Variants in RTN1 observed in about 807,000 individuals in gnomAD.
RTN1 encodes reticulon-1.
RTN1 carries 25 observed loss-of-function variants against 65.5 expected under a neutral mutation model. That is an observed-to-expected ratio of 0.38 (90% CI 0.28 to 0.53). The LOEUF (loss-of-function observed/expected upper bound fraction) is 0.53. Ranked by LOEUF, RTN1 falls within the 20% of genes least tolerant of loss-of-function variation. The pLI, the probability that RTN1 is intolerant of heterozygous loss-of-function variation, is 0.79. For missense variants in RTN1, 983 were observed against 1,025.4 expected (o/e 0.96, Z 0.57); for synonymous variants, 471 against 447.6 (o/e 1.05, Z -0.66).
chr14:59,746,405 T>A lies in RTN1; in HGVS notation c.318A>T (p.Thr106=). The A allele has an allele frequency of 6.2e-7, 1 of 1,613,920 alleles. No homozygotes were observed. Among genetic ancestry groups the A allele is most frequent in the Non-Finnish European group, 8.5e-7 (1 of 1,179,906 alleles). The part of the protein sequence containing the change: ...TSKDGEGSCY[T]SLISDICYPP... Reference sequence around the variant, plus strand: ...GATAGCAGATGTCAGAAATGAGAGATGTGTAACACGATCCTTCCCCATCTT... The same window carrying A: ...GATAGCAGATGTCAGAAATGAGAGAAGTGTAACACGATCCTTCCCCATCTT... The change falls in exon 2 of 9, where the codon ACA becomes ACT. Residue 106 remains threonine, a synonymous_variant. Transcript: ENST00000267484.
chr14:59,750,088 T>TA (rs1480746573), intron 1 of RTN1, among the ~76,000 whole-genome samples: 11 of 57,960 alleles, frequency 1.9e-4, no homozygotes, highest in African/African-American at 1.1e-3. Context: ...ATTATAGACA[T>TA]ATATATTATA....
chr14:59,727,383 A>G lies in RTN1; in HGVS notation c.1301T>C (p.Phe434Ser). 6.5e-7 allele frequency: 1 copy of G among 1,536,104 alleles called. No individual in the cohort carries two copies. The highest frequency in any genetic ancestry group is 8.8e-7 in the Non-Finnish European group (1 of 1,140,406). Residue 434 changes from phenylalanine (F) to serine (S), a missense_variant, in exon 3 of 9, where the codon TTT becomes TCT. By Grantham distance (155) the Phe-to-Ser change is radical. Around this residue, in one of 2 missense-constraint regions of RTN1, gnomAD observed 818 missense variants for 801.8 expected, o/e 1.02. Transcript: ENST00000267484. This position sits in a 1 kb window ranked among gnomAD's most constrained non-coding sequence, Gnocchi z 4.2. Reference sequence around the variant, plus strand: ...GGGCGGCGGGCCGCCCACGTGGCCAAAGCTCACATAGCCTGAGGGCAGCGC... The same window carrying G: ...GGGCGGCGGGCCGCCCACGTGGCCAGAGCTCACATAGCCTGAGGGCAGCGC... ...EDALPSGYVSFGHVGGPPPSP... is the reference protein window; with the variant it reads ...EDALPSGYVSSGHVGGPPPSP...
At position 59,868,273 on chromosome 14, in the gene RTN1, C is replaced by A. The variant is rs371292398; in HGVS notation, c.241+2117G>T. On this transcript the variant is annotated intron_variant, in intron 1 of 8. Transcript: ENST00000267484. This position sits in a 1 kb window ranked among gnomAD's most constrained non-coding sequence, Gnocchi z 4.0. ...TCAACAACTATATCAGAAATTCCTT[C>A]TAGCCACAATCATAAACTAAAAAAT... Among the ~76,000 whole-genome samples the A allele has an allele frequency of 6.6e-6, 1 of 152,178 alleles. No homozygotes were observed. Among genetic ancestry groups the A allele is most frequent in the Admixed American group, 6.5e-5 (1 of 15,276 alleles).
At position 59,856,913 on chromosome 14, in the gene RTN1, C is replaced by T. The variant is rs571891372; in HGVS notation, c.241+13477G>A. 7.9e-5 allele frequency among the ~76,000 whole-genome samples: 12 copies of T among 152,212 alleles called. No homozygotes were observed. In the South Asian group the frequency reaches 2.1e-3, roughly 26 times the overall value. ...TCTTCACATAACCCTGTAAGATAGC[C>T]AGAACAGTACTGTGCTCATGCAATG... is the stretch of plus-strand genomic sequence containing the variant. On this transcript the variant is annotated intron_variant, in intron 1 of 8. Transcript: ENST00000267484.
At chr14:59,838,175 C>T (rs1459572732) in intron 1 of RTN1, among the ~76,000 whole-genome samples, 1 of 152,186 alleles carries the variant, frequency 6.6e-6, no homozygotes, top group Non-Finnish European at 1.5e-5. Flanking sequence ...ATGGTTAGCT[C>T]CCACTTATAA....
intron 1 of RTN1, among the ~76,000 whole-genome samples, chr14:59,831,367 A>G (rs1360671806): frequency 6.6e-6 from 1 of 152,224 alleles, no homozygotes; most frequent in East Asian, 1.9e-4. Context: ...CAAGTAAGAA[A>G]GGATTTCTTT....
At chr14:59,640,972 TC>T (rs2140191698) in intron 3 of RTN1, among the ~76,000 whole-genome samples, 1 of 152,320 alleles carries the variant, frequency 6.6e-6, no homozygotes, top group South Asian at 2.1e-4. Flanking sequence ...TTCCTTCCTT[TC>T]CTTCTGAGAC....
At chr14:59,866,178 C>T (rs1401993943) in intron 1 of RTN1, among the ~76,000 whole-genome samples, 1 of 152,120 alleles carries the variant, frequency 6.6e-6, no homozygotes, top group African/African-American at 2.4e-5. Context: ...GAAAGGTGCA[C>T]ATGTTTTAGG....
At chr14:59,637,686 T>G (rs1312143196) in intron 3 of RTN1, among the ~76,000 whole-genome samples, 5 of 138,526 alleles carry the variant, frequency 3.6e-5, no homozygotes, top group Non-Finnish European at 7.6e-5. Context: ...CACTCCAGCC[T>G]GGCAACAGAG....
chr14:59,855,564 A>G (rs1269755295), intron 1 of RTN1, among the ~76,000 whole-genome samples: 2 of 152,186 alleles, frequency 1.3e-5, no homozygotes, highest in African/African-American at 4.8e-5. Flanking sequence ...AGATAATTCT[A>G]CCATCTGTGT....
At chr14:59,780,732 T>A (rs530030683) in intron 1 of RTN1, among the ~76,000 whole-genome samples, 1 of 152,328 alleles carries the variant, frequency 6.6e-6, no homozygotes, top group South Asian at 2.1e-4. Flanking sequence ...AGGCTGTGGA[T>A]TGCCACAACA....
chr14:59,726,440 G>A (rs1256219032), intron 3 of RTN1, among the ~76,000 whole-genome samples: 1 of 152,176 alleles, frequency 6.6e-6, no homozygotes, highest in East Asian at 1.9e-4. Flanking sequence ...GTAAGAGAAA[G>A]GATGGAGCTG....
chr14:59,632,175 G>C (rs144875462), intron 3 of RTN1, among the ~76,000 whole-genome samples: 24 of 152,262 alleles, frequency 1.6e-4, no homozygotes, highest in Middle Eastern at 3.4e-3. Context: ...AATTATTCTT[G>C]ATAAAGCTTA....
chr14:59,630,599 G>C (rs567787701), intron 3 of RTN1: 25 of 1,588,334 alleles, frequency 1.6e-5, no homozygotes, highest in Non-Finnish European at 2.0e-5. Context: ...TGGGCTCGCA[G>C]TGGCCGCGCG....
chr14:59,733,650 G>C (rs1176713478), intron 2 of RTN1, among the ~76,000 whole-genome samples: 1 of 152,162 alleles, frequency 6.6e-6, no homozygotes, highest in African/African-American at 2.4e-5. Flanking sequence ...TGGCCAGACT[G>C]CTTCTTTAAG....
At chr14:59,743,799 TC>T in intron 2 of RTN1, among the ~76,000 whole-genome samples, 1 of 152,138 alleles carries the variant, frequency 6.6e-6, no homozygotes, top group Non-Finnish European at 1.5e-5. Flanking sequence ...CCAGGGCTCG[TC>T]AGCACCGTAC....
intron 1 of RTN1, among the ~76,000 whole-genome samples, chr14:59,811,304 G>A (rs1886724080): frequency 6.6e-6 from 1 of 152,170 alleles, no homozygotes; most frequent in Admixed American, 6.6e-5. Flanking sequence ...CCCTGATGAT[G>A]CAAACACAAG....
chr14:59,704,116 G>A (rs1884237956), intron 3 of RTN1, among the ~76,000 whole-genome samples: 1 of 152,070 alleles, frequency 6.6e-6, no homozygotes, highest in African/African-American at 2.4e-5. Context: ...CCTATTTTTA[G>A]AGTCACAGAT....
intron 1 of RTN1, among the ~76,000 whole-genome samples, chr14:59,811,653 A>G (rs894958524): frequency 1.3e-5 from 2 of 152,206 alleles, no homozygotes; most frequent in African/African-American, 4.8e-5. Context: ...GATGCATTTA[A>G]AAATATCACC....
Sources: allele counts gnomAD v4.1 joint callset (sites outside exome capture counted in the v4.1 genomes callset), GRCh38; gene constraint gnomAD v4.1.1; regional missense constraint gnomAD v4.1.1; non-coding constraint Gnocchi (gnomAD v3.1); transcripts MANE v1.5; gene names NCBI Gene and HGNC (gene_info 2026-07-23, HGNC 2026-07-21).